The following PIK3R5 variants were observed in gnomAD, a reference collection of about 807,000 sequenced individuals.
PIK3R5 encodes the protein phosphoinositide 3-kinase regulatory subunit 5.
Under a neutral mutation model 94.9 loss-of-function variants are expected in PIK3R5, and 32 were observed. The observed-to-expected ratio is 0.34, with a 90% CI of 0.25 to 0.45. The LOEUF (loss-of-function observed/expected upper bound fraction) is 0.45. Among genes scored for constraint, PIK3R5 ranks in the 20% least tolerant of loss-of-function variants. PIK3R5 has a pLI of 1.00. For missense variants in PIK3R5, 853 were observed against 1,144.6 expected, an observed-to-expected ratio of 0.75 and a Z score of 3.68; for synonymous variants, 443 against 479.4, an observed-to-expected ratio of 0.92 and a Z score of 0.99.
chr17:8,898,790 A>G (rs2090211619), intron 5 of PIK3R5, among the ~76,000 whole-genome samples: 2 of 152,216 alleles, frequency 1.3e-5, no homozygotes, highest in Admixed American at 1.3e-4. Flanking sequence ...TCATTAACTA[A>G]TAAGTGACGA....
chr17:8,888,070 C>T lies in PIK3R5; in HGVS notation c.1616+101G>A, dbSNP rs1046019706. ...AATAAAATAAAAATAAATAAGGGAA[C>T]TTTTGGTTCCTCTGGGGCCCTAAGC... On this transcript the variant is annotated intron_variant, in intron 10 of 18. Coordinates refer to ENST00000447110, the MANE Select transcript of PIK3R5 (RefSeq NM_001142633.3). The surrounding 1 kb of genome is among the most constrained non-coding windows in gnomAD (Gnocchi z 7.8). 8 of 597,530 alleles carry T rather than the reference C, an allele frequency of 1.3e-5. No homozygotes were observed. Among genetic ancestry groups the T allele is most frequent in the Non-Finnish European group, 2.2e-5 (8 of 360,050 alleles). The allele number at this position is 597,530 out of a possible 1,614,324, so 37.0% of individuals were successfully genotyped here. A position where few individuals can be genotyped will look rare whatever the true frequency, so the allele number is the denominator to read the frequency against.
Position 8,896,751 on chromosome 17 carries a change from C to G in PIK3R5, c.413-3096G>C, listed in dbSNP as rs1235432397. On this transcript the variant is annotated intron_variant, in intron 5 of 18. Coordinates refer to ENST00000447110, the MANE Select transcript of PIK3R5 (RefSeq NM_001142633.3). This position sits in a 1 kb window ranked among gnomAD's most constrained non-coding sequence, Gnocchi z 4.0. ...ATCAAGCAAGCACTGGTATTAATGA[C>G]ACACGGATAGACAGGTCCATGCTGA... 6.6e-6 allele frequency among the ~76,000 whole-genome samples: 1 copy of G among 152,208 alleles called. No homozygotes were observed. The highest frequency in any genetic ancestry group is 1.9e-4 in the East Asian group (1 of 5,200).
intron 14 of PIK3R5, among the ~76,000 whole-genome samples, chr17:8,885,530 G>A (rs1218594126): frequency 7.5e-6 from 1 of 133,212 alleles, no homozygotes; most frequent in Non-Finnish European, 1.6e-5. Flanking sequence ...TCTTCCCATG[G>A]CCCTGCCTCC....
chr17:8,935,781 A>T lies in PIK3R5; in HGVS notation c.-13-24274T>A, dbSNP rs2091061806. On this transcript the variant is annotated intron_variant, in intron 1 of 18. Coordinates refer to ENST00000447110, the MANE Select transcript of PIK3R5 (RefSeq NM_001142633.3). The surrounding 1 kb of genome is among the most constrained non-coding windows in gnomAD (Gnocchi z 4.5). Reference sequence around the variant, plus strand: ...TCAACATAAGAAGACAAGGCCACGCATGGTGGCTCACGCTTGTAATCCCAG... The same window carrying T: ...TCAACATAAGAAGACAAGGCCACGCTTGGTGGCTCACGCTTGTAATCCCAG... 6.6e-6 allele frequency among the ~76,000 whole-genome samples: 1 copy of T among 152,088 alleles called. No homozygotes were observed. Among genetic ancestry groups the T allele is most frequent in the Non-Finnish European group, 1.5e-5 (1 of 68,004 alleles).
intron 1 of PIK3R5, among the ~76,000 whole-genome samples, chr17:8,963,298 A>G (rs1410510151): frequency 6.6e-6 from 1 of 152,204 alleles, no homozygotes; most frequent in African/African-American, 2.4e-5. Context: ...TTGAGTGCTC[A>G]GTGGAACCCA....
intron 1 of PIK3R5, among the ~76,000 whole-genome samples, chr17:8,953,009 A>G (rs1314628194): frequency 6.6e-6 from 1 of 152,184 alleles, no homozygotes; most frequent in East Asian, 1.9e-4. Context: ...AAGAAGGAGC[A>G]TTCTTGACCA....
At chr17:8,905,013 A>G in intron 4 of PIK3R5, 98 bp from the exon 5 acceptor site, 1 of 1,306,412 alleles carries the variant, frequency 7.7e-7, no homozygotes, top group Non-Finnish European at 1.1e-6. Flanking sequence ...ATTCCACAAA[A>G]GACACACATT....
rs911222432 is a variant in PIK3R5 at position 8,881,272 on chromosome 17, G to A, written c.2383-255C>T. Among the ~76,000 whole-genome samples the A allele has an allele frequency of 3.9e-5, 6 of 152,156 alleles. No individual in the cohort carries two copies. Among genetic ancestry groups the A allele is most frequent in the East Asian group, 3.9e-4 (2 of 5,176 alleles). On this transcript the variant is annotated intron_variant, in intron 17 of 18. Transcript: ENST00000447110. This position sits in a 1 kb window ranked among gnomAD's most constrained non-coding sequence, Gnocchi z 4.8. ...CATTGCCCTGCCTGCTGCCCTCACC[G>A]GAGCAGCCCCAGGTCCCCTGATCCA...
At chr17:8,883,476 G>A (rs1175269152) in intron 15 of PIK3R5, among the ~76,000 whole-genome samples, 2 of 152,232 alleles carry the variant, frequency 1.3e-5, no homozygotes, top group Admixed American at 6.5e-5. Context: ...CCCACCAGCT[G>A]TCTCTGCTCC....
At chr17:8,912,142 C>A (rs1567650973) in intron 1 of PIK3R5, among the ~76,000 whole-genome samples, 1 of 152,200 alleles carries the variant, frequency 6.6e-6, no homozygotes, top group Non-Finnish European at 1.5e-5. Flanking sequence ...CCTCATCCTA[C>A]TGAGGAGAAT....
intron 5 of PIK3R5, among the ~76,000 whole-genome samples, chr17:8,900,219 G>A (rs2090250451): frequency 6.6e-6 from 1 of 152,132 alleles, no homozygotes; most frequent in African/African-American, 2.4e-5. Flanking sequence ...TAACCTCAAA[G>A]GTTATGGTTT....
chr17:8,883,230 G>C (rs1043704568), intron 15 of PIK3R5, among the ~76,000 whole-genome samples: 1 of 152,206 alleles, frequency 6.6e-6, no homozygotes, highest in Non-Finnish European at 1.5e-5. Context: ...TTAGCCGGGT[G>C]TGGTGGCGGG....
intron 1 of PIK3R5, among the ~76,000 whole-genome samples, chr17:8,940,881 G>C (rs1246703780): frequency 1.3e-5 from 2 of 152,164 alleles, no homozygotes; most frequent in African/African-American, 4.8e-5. Context: ...TTTTGAGAGA[G>C]AGGCAGGGAG....
chr17:8,937,818 C>CTT (rs1283355921), intron 1 of PIK3R5, among the ~76,000 whole-genome samples: 2 of 151,936 alleles, frequency 1.3e-5, no homozygotes, highest in African/African-American at 2.4e-5. Context: ...ATCATTTTTT[C>CTT]TTTTGTGTGT....
At chr17:8,924,532 C>A (rs923242261) in intron 1 of PIK3R5, among the ~76,000 whole-genome samples, 5 of 152,114 alleles carry the variant, frequency 3.3e-5, no homozygotes, top group African/African-American at 4.8e-5. Flanking sequence ...GTAGACTGGT[C>A]CAATCCATTA....
chr17:8,904,725 G>A lies in PIK3R5; in HGVS notation c.412+52C>T. 6.3e-7 allele frequency: 1 copy of A among 1,584,394 alleles called. No individual in the cohort carries two copies. Among genetic ancestry groups the A allele is most frequent in the Non-Finnish European group, 8.6e-7 (1 of 1,157,824 alleles). On this transcript the variant is annotated intron_variant, in intron 5 of 18. Coordinates refer to ENST00000447110, the MANE Select transcript of PIK3R5 (RefSeq NM_001142633.3). This position sits in a 1 kb window ranked among gnomAD's most constrained non-coding sequence, Gnocchi z 5.1. ...AAAAACAGTTTCAGAGGAGTTGGAA[G>A]CATTCTGACCTTCTGAGCCCTGTCC...
At chr17:8,934,895 G>T (rs142335853) in intron 1 of PIK3R5, among the ~76,000 whole-genome samples, 113 of 152,126 alleles carry the variant, frequency 7.4e-4, no homozygotes, top group Non-Finnish European at 1.0e-3. Context: ...CCATAACATG[G>T]CTCACTGGAC....
Position 8,925,018 on chromosome 17 carries a change from GGATA to G in PIK3R5, c.-13-13515_-13-13512del, listed in dbSNP as rs146900729. Among the ~76,000 whole-genome samples the G allele has an allele frequency of 1.9e-4, 28 of 151,348 alleles. No homozygotes were observed. The East Asian group carries it at 1.9e-3, about 10-fold the overall frequency. ...CCAGATAGATAGTTAGATAGTAGATGGATAGATAGATAGATAGTAGATGAATAGA... is the reference window on the plus strand; with the variant it reads ...CCAGATAGATAGTTAGATAGTAGATGGATAGATAGATAGTAGATGAATAGA... On this transcript the variant is annotated intron_variant, in intron 1 of 18. Transcript: ENST00000447110. The surrounding 1 kb of genome is among the most constrained non-coding windows in gnomAD (Gnocchi z 5.1).
chr17:8,918,308 C>T lies in PIK3R5; in HGVS notation c.-13-6801G>A, dbSNP rs563796157. ...GGAAATATACAAAATAAACCCAGCA[C>T]ATCTTGTAGTGCCAGAAAATAAGTC... is the stretch of plus-strand genomic sequence containing the variant. On this transcript the variant is annotated intron_variant, in intron 1 of 18. Transcript: ENST00000447110. Among the ~76,000 whole-genome samples, 4 of 152,306 alleles carry T rather than the reference C, an allele frequency of 2.6e-5. No individual in the cohort carries two copies. The East Asian group carries it at 5.8e-4, about 22-fold the overall frequency.
Sources: allele counts gnomAD v4.1 joint callset (sites outside exome capture counted in the v4.1 genomes callset), GRCh38; gene constraint gnomAD v4.1.1; non-coding constraint Gnocchi (gnomAD v3.1); transcripts MANE v1.5; gene names NCBI Gene and HGNC (gene_info 2026-07-23, HGNC 2026-07-21).